Variants in GEMIN5 observed in about 807,000 individuals in gnomAD.
The protein encoded by GEMIN5 is gem-associated protein 5.
In GEMIN5, 124 loss-of-function variants were observed where a neutral mutation model predicts 176.9. The observed-to-expected ratio is 0.70, with a 90% CI of 0.61 to 0.81. The LOEUF is 0.81. GEMIN5 is among the 40% of genes least tolerant of loss of function. The pLI, the probability that GEMIN5 is intolerant of heterozygous loss-of-function variation, is 0.00. For synonymous variants in GEMIN5, 673 were observed against 665.2 expected (o/e 1.01, Z -0.18); for missense variants, 1,843 against 1,814.6 (o/e 1.02, Z -0.28).
chr5:154,926,029 G>A lies in GEMIN5; in HGVS notation c.1126C>T (p.Pro376Ser), dbSNP rs1209239200. 6.2e-7 allele frequency: 1 copy of A among 1,613,760 alleles called. No individual in the cohort carries two copies. Among genetic ancestry groups the A allele is most frequent in the South Asian group, 1.1e-5 (1 of 91,074 alleles). ...IATLECSWTL[P>S]SLGGFAYSLA... ...CTGTATGCAAACCCACCAAGGGAAG[G>A]AAGGGTCCAGCTGCACTCCAAGGTG... Residue 376 changes from proline (P) to serine (S), a missense_variant, in exon 8 of 28, where the codon CCT becomes TCT. Pro to Ser is a moderately conservative substitution (Grantham distance 74). Transcript: ENST00000285873.
rs1354325425 is a variant in GEMIN5 at position 154,936,557 on chromosome 5, T to C, written c.327+468A>G. On this transcript the variant is annotated intron_variant, in intron 2 of 27. Transcript: ENST00000285873. ...TTTAAATAGCTTAATGCAAAGTTCT[T>C]ATTAAGTAGGTCTTTTCCTTTGTTC... 5.3e-5 allele frequency among the ~76,000 whole-genome samples: 8 copies of C among 152,356 alleles called. No individual in the cohort carries two copies. In the East Asian group the frequency reaches 9.6e-4, roughly 18 times the overall value.
chr5:154,907,612 G>A lies in GEMIN5; in HGVS notation c.2374C>T (p.Pro792Ser), dbSNP rs1763594945. The A allele has an allele frequency of 6.2e-7, 1 of 1,613,894 alleles. No homozygotes were observed. ...ATACCCGCTGGAGCAAGGCCACAGG[G>A]TAATTCCGGCTCCCGTGCTTGCTCC... is the stretch of plus-strand genomic sequence containing the variant. ...GEEQAREPELPCGLAPAVSRE... is the reference protein window; with the variant it reads ...GEEQAREPELSCGLAPAVSRE... Residue 792 changes from proline (P) to serine (S), a missense_variant, in exon 16 of 28, where the codon CCC becomes TCC. Transcript: ENST00000285873.
intron 18 of GEMIN5, among the ~76,000 whole-genome samples, chr5:154,903,613 C>T (rs1175730276): frequency 3.3e-5 from 5 of 152,046 alleles, no homozygotes; most frequent in African/African-American, 1.2e-4. Context: ...CATAAAACAT[C>T]TCCATCAAGA....
intron 11 of GEMIN5, 109 bp downstream of exon 11, chr5:154,919,858 C>T: frequency 1.1e-6 from 1 of 913,780 alleles, no homozygotes; most frequent in Non-Finnish European, 1.7e-6. Flanking sequence ...AGAAATCTGA[C>T]TTAGTATGAT....
rs201367883 is a variant in GEMIN5, at chr5:154,912,854, A to C, written c.1995+45T>G. On this transcript the variant is annotated intron_variant, in intron 14 of 27. Transcript: ENST00000285873. Reference sequence around the variant, plus strand: ...GGGGGAAAAGAAGAAAGAATTTGTTAGAGTACACAGTGAAGGACCCACAGG... The same window carrying C: ...GGGGGAAAAGAAGAAAGAATTTGTTCGAGTACACAGTGAAGGACCCACAGG... 2.0e-5 allele frequency: 30 copies of C among 1,524,240 alleles called. No individual in the cohort carries two copies. The African/African-American group carries it at 3.3e-4, about 17-fold the overall frequency. The allele number at this position is 1,524,240 out of a possible 1,614,324, so 94.4% of individuals were successfully genotyped here. A position where few individuals can be genotyped will look rare whatever the true frequency, so the allele number is the denominator to read the frequency against.
intron 15 of GEMIN5, among the ~76,000 whole-genome samples, chr5:154,909,602 T>A (rs1332877983): frequency 2.0e-5 from 3 of 152,172 alleles, no homozygotes; most frequent in Non-Finnish European, 4.4e-5. Context: ...CCACCAAGCC[T>A]CTTTGTAGTA....
chr5:154,931,492 T>A lies in GEMIN5; in HGVS notation c.747A>T (p.Gln249His). 2 of 1,613,398 alleles carry A rather than the reference T, an allele frequency of 1.2e-6. No individual in the cohort carries two copies. The highest frequency in any genetic ancestry group is 2.2e-5 in the South Asian group (2 of 91,042). ...TAGAACAGCTCCAGATTCGAATGGTTTGATCTTTGCTTCCAGTGGCTAAGT... is the reference window on the plus strand; with the variant it reads ...TAGAACAGCTCCAGATTCGAATGGTATGATCTTTGCTTCCAGTGGCTAAGT... The part of the protein sequence containing the change: ...GCYLATGSKD[Q>H]TIRIWSCSRG... Residue 249 changes from glutamine (Q) to histidine (H), a missense_variant, in exon 5 of 28, where the codon CAA becomes CAT. By Grantham distance (24) the Gln-to-His change is conservative. Coordinates refer to ENST00000285873, the MANE Select transcript of GEMIN5 (RefSeq NM_015465.5).
At chr5:154,902,416 A>T in intron 20 of GEMIN5, 123 bp downstream of exon 20, 1 of 881,884 alleles carries the variant, frequency 1.1e-6, no homozygotes, top group Non-Finnish European at 1.8e-6. Flanking sequence ...ATTGCTGTCT[A>T]TTGCTTTGTA....
intron 13 of GEMIN5, among the ~76,000 whole-genome samples, chr5:154,914,296 T>C (rs570780201): frequency 6.6e-6 from 1 of 152,142 alleles, no homozygotes; most frequent in South Asian, 2.1e-4. Flanking sequence ...GCCGGGATTA[T>C]AGGCGTGAGC....
At chr5:154,897,385 G>A (rs932925740) in intron 23 of GEMIN5, among the ~76,000 whole-genome samples, 1 of 152,204 alleles carries the variant, frequency 6.6e-6, no homozygotes, top group African/African-American at 2.4e-5. Flanking sequence ...GTGTGCCAAT[G>A]CTTTAATCTG....
In GEMIN5 at chr5:154,892,927, C is replaced by T. The variant is rs187628289; in HGVS notation, c.3598-378G>A. Among the ~76,000 whole-genome samples, 1,134 of 152,016 alleles carry T rather than the reference C, an allele frequency of 7.5e-3. 9 individuals carry two copies. The highest frequency in any genetic ancestry group is 0.024 in the African/African-American group (1,011 of 41,486). On this transcript the variant is annotated intron_variant, in intron 24 of 27. Transcript: ENST00000285873. ...GCCTGGCCAACATGGTGAAACCCCGCCTCTACTAAAAACACAAAAATTAGC... is the reference window on the plus strand; with the variant it reads ...GCCTGGCCAACATGGTGAAACCCCGTCTCTACTAAAAACACAAAAATTAGC...
At chr5:154,914,635 T>C (rs529089111) in intron 13 of GEMIN5, among the ~76,000 whole-genome samples, 15 of 151,936 alleles carry the variant, frequency 9.9e-5, no homozygotes, top group Non-Finnish European at 1.6e-4. Flanking sequence ...CACCTCAGCC[T>C]GTGAGTAACT....
rs748621242 is a variant in GEMIN5 at position 154,925,904 on chromosome 5, A to T, written c.1251T>A (p.Asp417Glu). Residue 417 changes from aspartate to glutamate, a missense_variant, in exon 8 of 28, where the codon GAT becomes GAA. Asp to Glu is a conservative substitution (Grantham distance 45, BLOSUM62 2). Transcript: ENST00000285873. ...WNTLSIKNNY[D>E]VKNFWQGVKS... is the part of the protein sequence containing the mutation. ...TCACGCCTTGCCAAAAATTTTTCAC[A>T]TCATAGTTGTTCTTTATGGAGAGTG... The T allele has an allele frequency of 2.0e-5, 33 of 1,613,916 alleles. No individual in the cohort carries two copies. The highest frequency in any genetic ancestry group is 2.7e-5 in the Non-Finnish European group (32 of 1,179,832).
At chr5:154,931,826 C>A in intron 4 of GEMIN5, 1 of 488,682 alleles carries the variant, frequency 2.0e-6, no homozygotes. Context: ...ACCAGCCTGA[C>A]CAACATGGAG....
At position 154,891,523 on chromosome 5, in the gene GEMIN5, T is replaced by C. The variant is rs777172570; in HGVS notation, c.3980A>G (p.Asp1327Gly). 3.9e-5 allele frequency: 63 copies of C among 1,613,984 alleles called. No individual in the cohort carries two copies. Among genetic ancestry groups the C allele is most frequent in the Non-Finnish European group, 4.9e-5 (58 of 1,180,022 alleles). The change falls in exon 26 of 28, where the codon GAC (aspartate) becomes GGC (glycine). Residue 1327 changes from aspartate (D) to glycine (G), a missense_variant. Coordinates refer to ENST00000285873, the MANE Select transcript of GEMIN5 (RefSeq NM_015465.5). ...TGGCTCTGGCTGAGAAGTTTCAGGG[T>C]CCGTTTCTTCAGTGCTGGCAGTGTC... ...QLDTASTEET[D>G]PETSQPEPNR...
intron 2 of GEMIN5, among the ~76,000 whole-genome samples, 174 bp downstream of exon 2, chr5:154,936,851 T>C (rs530158372): frequency 6.6e-6 from 1 of 152,376 alleles, no homozygotes; most frequent in East Asian, 1.9e-4. Context: ...CTCTGGTTTG[T>C]ATATATCTCC....
chr5:154,890,891 G>C (rs1448051629), intron 26 of GEMIN5, among the ~76,000 whole-genome samples: 1 of 152,128 alleles, frequency 6.6e-6, no homozygotes, highest in Non-Finnish European at 1.5e-5. Context: ...AGCCCCCCAA[G>C]TAGCTGGAAT....
intron 21 of GEMIN5, 150 bp from the exon 22 acceptor site, chr5:154,899,460 A>G: frequency 3.4e-6 from 2 of 580,812 alleles, no homozygotes; most frequent in East Asian, 3.0e-5. Context: ...TATATAGACA[A>G]ATTAGAAACA....
At chr5:154,900,358 G>T (rs1054781723) in intron 21 of GEMIN5, among the ~76,000 whole-genome samples, 2 of 152,184 alleles carry the variant, frequency 1.3e-5, no homozygotes, top group Non-Finnish European at 2.9e-5. Context: ...GCAATATTTT[G>T]AAAGTATTTT....
Sources: gnomAD v4.1 joint callset for allele counts (sites outside exome capture counted in the v4.1 genomes callset) on GRCh38, gnomAD v4.1.1 for gene constraint, MANE v1.5 for transcripts, NCBI Gene and HGNC (gene_info 2026-07-23, HGNC 2026-07-21) for gene names.